The following PTPRR variants were observed in gnomAD, a reference collection of about 807,000 sequenced individuals.
PTPRR encodes receptor-type tyrosine-protein phosphatase R.
In PTPRR, 38 loss-of-function variants were observed where a neutral mutation model predicts 77.2. That is an observed-to-expected ratio of 0.49 (90% CI 0.38 to 0.65). PTPRR has a LOEUF of 0.65. PTPRR is among the 30% of genes least tolerant of loss of function. The probability of loss-of-function intolerance (pLI) is 0.00; values close to 1 mark genes in which losing one functional copy is unlikely to be tolerated. For synonymous variants in PTPRR, 299 were observed against 283.1 expected, an observed-to-expected ratio of 1.06 and a Z score of -0.57; for missense variants, 744 against 799.2, an observed-to-expected ratio of 0.93 and a Z score of 0.83.
At chr12:70,850,678 A>C (rs1202412150) in intron 2 of PTPRR, among the ~76,000 whole-genome samples, 4 of 152,168 alleles carry the variant, frequency 2.6e-5, no homozygotes, top group Admixed American at 1.3e-4. Flanking sequence ...CCCTTCCTTG[A>C]AAACCCAGAC....
intron 2 of PTPRR, among the ~76,000 whole-genome samples, chr12:70,767,189 T>C (rs573531016): frequency 1.3e-5 from 2 of 152,088 alleles, no homozygotes; most frequent in Admixed American, 6.5e-5. Context: ...GTAAATGGAC[T>C]AAATGCTCCA....
chr12:70,719,369 C>A (rs902755421), intron 6 of PTPRR, among the ~76,000 whole-genome samples: 1 of 152,024 alleles, frequency 6.6e-6, no homozygotes, highest in African/African-American at 2.4e-5. Flanking sequence ...CGAGGCTGCC[C>A]GGCCCCATCC....
intron 1 of PTPRR, among the ~76,000 whole-genome samples, chr12:70,914,059 CA>C (rs1203056608): frequency 2.0e-5 from 3 of 150,820 alleles, no homozygotes; most frequent in Non-Finnish European, 4.4e-5. Flanking sequence ...GTGAGTCATC[CA>C]AAAAAAAGAA....
At chr12:70,646,893 T>TTA (rs1886219714) in intron 13 of PTPRR, among the ~76,000 whole-genome samples, 1 of 152,036 alleles carries the variant, frequency 6.6e-6, no homozygotes, top group African/African-American at 2.4e-5. Flanking sequence ...TGGGGACATA[T>TTA]ATTAGCCTTG....
chr12:70,751,666 A>G (rs1037511808), intron 5 of PTPRR, among the ~76,000 whole-genome samples: 1 of 151,664 alleles, frequency 6.6e-6, no homozygotes, highest in Admixed American at 6.6e-5. Flanking sequence ...AGCACTTATC[A>G]ACATTTGATT....
intron 10 of PTPRR, among the ~76,000 whole-genome samples, 184 bp from the exon 11 acceptor site, chr12:70,662,789 T>C (rs7969289): frequency 0.2 from 31,143 of 151,998 alleles, 4,884 homozygotes; most frequent in African/African-American, 0.44. Context: ...GATTTTATGG[T>C]ATATAAATTA....
At chr12:70,916,401 T>C (rs750532199) in intron 1 of PTPRR, among the ~76,000 whole-genome samples, 9 of 152,164 alleles carry the variant, frequency 5.9e-5, no homozygotes, top group Non-Finnish European at 1.3e-4. Flanking sequence ...CTCTAGACCA[T>C]TGTAAGGTCT....
chr12:70,841,964 A>G (rs1040798660), intron 2 of PTPRR, among the ~76,000 whole-genome samples: 37 of 152,162 alleles, frequency 2.4e-4, no homozygotes, highest in African/African-American at 8.7e-4. Context: ...CCTTTAGGTA[A>G]TATCAGCACC....
chr12:70,909,134 G>A (rs1442249207), intron 1 of PTPRR, among the ~76,000 whole-genome samples: 1 of 152,256 alleles, frequency 6.6e-6, no homozygotes, highest in Non-Finnish European at 1.5e-5. Context: ...TGCAGGGTGA[G>A]GTATTGGGTA....
At chr12:70,733,254 A>G (rs1016715506) in intron 6 of PTPRR, among the ~76,000 whole-genome samples, 24 of 152,224 alleles carry the variant, frequency 1.6e-4, no homozygotes, top group African/African-American at 5.8e-4. Context: ...GATGCCAAGC[A>G]TTGTTAGAAA....
At chr12:70,917,159 C>T (rs1029932658) in intron 1 of PTPRR, among the ~76,000 whole-genome samples, 1 of 152,044 alleles carries the variant, frequency 6.6e-6, no homozygotes, top group Non-Finnish European at 1.5e-5. Flanking sequence ...TTTTACCATT[C>T]GTATTATTGT....
intron 6 of PTPRR, among the ~76,000 whole-genome samples, chr12:70,718,522 C>T (rs1373406053): frequency 6.6e-6 from 1 of 152,086 alleles, no homozygotes; most frequent in Non-Finnish European, 1.5e-5. Flanking sequence ...GCCTAGCCTC[C>T]CAAAATGCTG....
At chr12:70,658,162 G>A (rs140997464) in intron 12 of PTPRR, among the ~76,000 whole-genome samples, 4 of 152,206 alleles carry the variant, frequency 2.6e-5, no homozygotes, top group East Asian at 3.9e-4. Context: ...TTTCACTTAC[G>A]TCAATTGTTT....
chr12:70,720,208 G>T (rs1378257024), intron 6 of PTPRR, among the ~76,000 whole-genome samples: 2 of 152,304 alleles, frequency 1.3e-5, no homozygotes, highest in Admixed American at 6.5e-5. Flanking sequence ...AGAAACAAGC[G>T]TGAGATCTGG....
At chr12:70,756,861 G>C (rs1183195089) in intron 4 of PTPRR, among the ~76,000 whole-genome samples, 1 of 152,136 alleles carries the variant, frequency 6.6e-6, no homozygotes, top group African/African-American at 2.4e-5. Context: ...AGATACAGAG[G>C]ATCTAGGAGA....
chr12:70,743,611 G>A (rs1890120999), intron 6 of PTPRR, among the ~76,000 whole-genome samples: 1 of 152,166 alleles, frequency 6.6e-6, no homozygotes, highest in Non-Finnish European at 1.5e-5. Flanking sequence ...GTCTTTTCCT[G>A]CTCTGAGGTG....
At chr12:70,708,813 C>A (rs1360697295) in intron 6 of PTPRR, among the ~76,000 whole-genome samples, 2 of 78,968 alleles carry the variant, frequency 2.5e-5, no homozygotes, top group Non-Finnish European at 5.8e-5. Flanking sequence ...AATACAAATA[C>A]AAACACACAC....
At chr12:70,676,402 TG>T (rs1315458900) in intron 10 of PTPRR, among the ~76,000 whole-genome samples, 1 of 152,062 alleles carries the variant, frequency 6.6e-6, no homozygotes, top group Non-Finnish European at 1.5e-5. Flanking sequence ...TTATGCTTTT[TG>T]TGCTTAATTA....
intron 6 of PTPRR, among the ~76,000 whole-genome samples, chr12:70,724,155 A>G (rs1889354484): frequency 6.6e-6 from 1 of 152,210 alleles, no homozygotes; most frequent in Admixed American, 6.5e-5. Context: ...CAATTTCAGA[A>G]TCACTTCCAA....
Sources: allele counts gnomAD v4.1 joint callset (sites outside exome capture counted in the v4.1 genomes callset), GRCh38; gene constraint gnomAD v4.1.1; transcripts MANE v1.5; gene names NCBI Gene and HGNC (gene_info 2026-07-23, HGNC 2026-07-21).